PTPDC1: variants seen among roughly 807,000 people sequenced by gnomAD.
The protein encoded by PTPDC1 is protein tyrosine phosphatase domain-containing protein 1.
In PTPDC1, 53 loss-of-function variants were observed where a neutral mutation model predicts 75.3. That is an observed-to-expected ratio of 0.70 (90% CI 0.56 to 0.88). The LOEUF is 0.88. Among genes scored for constraint, PTPDC1 ranks in the 40% least tolerant of loss-of-function variants. The pLI is 0.00. For missense variants in PTPDC1, 925 were observed against 998.6 expected, an observed-to-expected ratio of 0.93 and a Z score of 0.99; for synonymous variants, 349 against 366.2, an observed-to-expected ratio of 0.95 and a Z score of 0.54.
At chr9:94,066,583 C>T (rs1352707024) in intron 2 of PTPDC1, among the ~76,000 whole-genome samples, 2 of 151,866 alleles carry the variant, frequency 1.3e-5, no homozygotes, top group Non-Finnish European at 2.9e-5. Flanking sequence ...TTTGAGATGG[C>T]GTCTCACTCT....
At chr9:94,100,827 A>C (rs1827810258) in intron 6 of PTPDC1, 1 of 152,246 alleles carries the variant, frequency 6.6e-6, no homozygotes, top group African/African-American at 2.4e-5. Context: ...ACCCTGTCAG[A>C]AATTCATGAA....
intron 2 of PTPDC1, among the ~76,000 whole-genome samples, chr9:94,069,730 G>A (rs1490086161): frequency 1.3e-5 from 2 of 151,092 alleles, no homozygotes; most frequent in Admixed American, 6.6e-5. Context: ...GGCCAGGCTG[G>A]TCTTGAACTC....
At position 94,084,677 on chromosome 9, in the gene PTPDC1, G is replaced by A. The variant is rs1327209340; in HGVS notation, c.147G>A (p.Thr49=). The change falls in exon 1 of 9, where the codon ACG becomes ACA. Residue 49 remains threonine (T), a synonymous_variant. Coordinates refer to ENST00000620992, the MANE Select transcript of PTPDC1 (RefSeq NM_001253829.2). ...RGSGLGSGSA[T]KLLSSSSLQV... Reference sequence around the variant, plus strand: ...CTGGCTTGGGCTCCGGCTCTGCCACGAAGCTGCTGTCCTCGTCCTCTCTCC... The same window carrying A: ...CTGGCTTGGGCTCCGGCTCTGCCACAAAGCTGCTGTCCTCGTCCTCTCTCC... 1.3e-5 allele frequency: 21 copies of A among 1,613,784 alleles called. No individual in the cohort carries two copies. Among genetic ancestry groups the A allele is most frequent in the Non-Finnish European group, 1.6e-5 (19 of 1,179,860 alleles).
At chr9:94,101,442 C>G (rs1827836656) in intron 6 of PTPDC1, 124 bp from the exon 7 acceptor site, 8 of 669,210 alleles carry the variant, frequency 1.2e-5, no homozygotes, top group Non-Finnish European at 2.0e-5. Flanking sequence ...CAGTTCTGCA[C>G]TCTGGAGCCT....
chr9:94,102,143 G>A (rs1827863204), intron 7 of PTPDC1, among the ~76,000 whole-genome samples: 1 of 152,100 alleles, frequency 6.6e-6, no homozygotes, highest in Non-Finnish European at 1.5e-5. Context: ...ATATGATGCT[G>A]TAACACGAGA....
chr9:94,107,735 C>A, intron 8 of PTPDC1, 93 bp from the exon 9 acceptor site: 1 of 576,380 alleles, frequency 1.7e-6, no homozygotes, highest in South Asian at 3.3e-5. Flanking sequence ...GTTTGTAAGT[C>A]TGTTTTTTTT....
intron 2 of PTPDC1, among the ~76,000 whole-genome samples, chr9:94,078,072 A>G (rs1034761120): frequency 1.3e-5 from 2 of 152,200 alleles, no homozygotes; most frequent in African/African-American, 2.4e-5. Context: ...TCCTTGGGAC[A>G]TTTCATATAA....
intron 4 of PTPDC1, among the ~76,000 whole-genome samples, chr9:94,091,725 G>C (rs2118015651): frequency 6.6e-6 from 1 of 152,232 alleles, no homozygotes; most frequent in South Asian, 2.1e-4. Context: ...TACTCTTTTT[G>C]GTTGGTAAGC....
intron 6 of PTPDC1, among the ~76,000 whole-genome samples, chr9:94,099,819 G>A (rs1330116599): frequency 6.6e-6 from 1 of 152,226 alleles, no homozygotes; most frequent in Admixed American, 6.5e-5. Flanking sequence ...CTCTGCTGTG[G>A]TGATGAAGCG....
At position 94,088,253 on chromosome 9, in the gene PTPDC1, G is replaced by A. The variant is rs1484089993; in HGVS notation, c.606G>A (p.Met202Ile). Residue 202 changes from methionine (M) to isoleucine (I), a missense_variant, in exon 4 of 9, where the codon ATG becomes ATA. Met to Ile is a conservative substitution (Grantham distance 10, BLOSUM62 1). Coordinates refer to ENST00000620992, the MANE Select transcript of PTPDC1 (RefSeq NM_001253829.2). ...TCACATACCTTCCTGAGGCTTTCATGGAGGCTGGCAGTAAGTTCCTCCCAC... is the reference window on the plus strand; with the variant it reads ...TCACATACCTTCCTGAGGCTTTCATAGAGGCTGGCAGTAAGTTCCTCCCAC... Reference protein sequence around the residue: ...SGFTYLPEAFMEAGIYFYNFG... With the variant: ...SGFTYLPEAFIEAGIYFYNFG... 1 of 1,613,714 alleles carries A rather than the reference G, an allele frequency of 6.2e-7. No individual in the cohort carries two copies.
rs1336412769 is a variant in PTPDC1, at chr9:94,069,982, G to A, written c.82+5161G>A. 1.4e-4 allele frequency among the ~76,000 whole-genome samples: 21 copies of A among 151,726 alleles called. No individual in the cohort carries two copies. In the East Asian group the frequency reaches 3.3e-3, roughly 24 times the overall value. ...TGGGACTACAGGCGCCCGCCACCAC[G>A]CCCGGCTAATTTTTTGTATTTCTAG... On this transcript the variant is annotated intron_variant, in intron 2 of 9. Coordinates refer to the PTPDC1 transcript ENST00000375360.
At chr9:94,074,603 G>A (rs1283126380) in intron 2 of PTPDC1, among the ~76,000 whole-genome samples, 1 of 152,054 alleles carries the variant, frequency 6.6e-6, no homozygotes, top group African/African-American at 2.4e-5. Context: ...GGTGGAGTTG[G>A]GAGTTCAGCT....
intron 8 of PTPDC1, 61 bp from the exon 9 acceptor site, chr9:94,107,767 A>G: frequency 1.1e-6 from 1 of 920,534 alleles, no homozygotes; most frequent in Non-Finnish European, 1.6e-6. Flanking sequence ...CCTTCTCTCA[A>G]AATAGAAACT....
chr9:94,106,918 T>C (rs1411429097), intron 8 of PTPDC1, among the ~76,000 whole-genome samples: 1 of 151,436 alleles, frequency 6.6e-6, no homozygotes, highest in Non-Finnish European at 1.5e-5. Flanking sequence ...GGAAAGGAAA[T>C]TTACTTTATC....
intron 2 of PTPDC1, among the ~76,000 whole-genome samples, chr9:94,086,999 C>T (rs73653406): frequency 0.029 from 4,386 of 152,266 alleles, 197 homozygotes; most frequent in African/African-American, 0.099. Flanking sequence ...CTCACACCAA[C>T]CCTGTGAGAC....
At chr9:94,089,528 G>A (rs1274438938) in intron 4 of PTPDC1, among the ~76,000 whole-genome samples, 12 of 123,768 alleles carry the variant, frequency 9.7e-5, no homozygotes, top group African/African-American at 3.2e-4. Context: ...GAATAGTGCC[G>A]CAATAAACAT....
At chr9:94,106,539 T>G (rs568415645) in intron 8 of PTPDC1, among the ~76,000 whole-genome samples, 1 of 152,294 alleles carries the variant, frequency 6.6e-6, no homozygotes. Flanking sequence ...AGAACCCATG[T>G]GAACATGAAG....
At chr9:94,039,733 CA>C (rs1220979314) in intron 1 of PTPDC1, among the ~76,000 whole-genome samples, 1 of 151,896 alleles carries the variant, frequency 6.6e-6, no homozygotes. Flanking sequence ...AAGACCTTCC[CA>C]AAAACAAAAG....
intron 2 of PTPDC1, among the ~76,000 whole-genome samples, chr9:94,067,842 TCCA>T (rs1826365539): frequency 6.6e-6 from 1 of 152,208 alleles, no homozygotes; most frequent in Non-Finnish European, 1.5e-5. Context: ...CCTCAGGTGA[TCCA>T]CCTACCACAG....
Sources: gnomAD v4.1 joint callset for allele counts (sites outside exome capture counted in the v4.1 genomes callset) on GRCh38, gnomAD v4.1.1 for gene constraint, MANE v1.5 for transcripts, NCBI Gene and HGNC (gene_info 2026-07-23, HGNC 2026-07-21) for gene names.